TLN2: variants seen among roughly 807,000 people sequenced by gnomAD.
The protein encoded by TLN2 is talin 2.
A neutral mutation model predicts 294.7 loss-of-function variants in TLN2; 118 were observed. The observed-to-expected ratio is 0.40, with a 90% CI of 0.34 to 0.47. The LOEUF is 0.47. Ranked by LOEUF, TLN2 falls within the 20% of genes least tolerant of loss-of-function variation. TLN2 has a pLI of 0.84. For missense variants in TLN2, 3,083 were observed against 3,282.2 expected (o/e 0.94, Z 1.48); for synonymous variants, 1,431 against 1,304.5 (o/e 1.10, Z -2.09).
At chr15:62,625,188 C>T (rs1036099166) in intron 3 of TLN2, among the ~76,000 whole-genome samples, 1 of 152,084 alleles carries the variant, frequency 6.6e-6, no homozygotes, top group Admixed American at 6.5e-5. Context: ...TGGTTCTTCA[C>T]TACTGAATGT....
At chr15:62,797,093 C>A in intron 47 of TLN2, 126 bp from the exon 48 acceptor site, 2 of 1,024,944 alleles carry the variant, frequency 2.0e-6, no homozygotes, top group Non-Finnish European at 2.9e-6. Context: ...GGAGGTGTAA[C>A]ACAGCACTTC....
chr15:62,771,155 G>T (rs1241936259), intron 42 of TLN2, 21 bp downstream of exon 42: 3 of 1,591,016 alleles, frequency 1.9e-6, no homozygotes, highest in East Asian at 2.3e-5. Flanking sequence ...GGATATCGGG[G>T]ACTCACTTAG....
At chr15:62,624,472 C>A (rs1380761293) in intron 3 of TLN2, among the ~76,000 whole-genome samples, 3 of 152,118 alleles carry the variant, frequency 2.0e-5, no homozygotes, top group African/African-American at 7.2e-5. Context: ...TGATAGGACG[C>A]ATGAATGTGC....
intron 11 of TLN2, among the ~76,000 whole-genome samples, chr15:62,680,872 G>A (rs565406495): frequency 1.4e-4 from 21 of 152,152 alleles, no homozygotes; most frequent in East Asian, 5.8e-4. Context: ...AAATAATGGC[G>A]TCCAGCTCCA....
At chr15:62,593,973 G>A (rs905739841) in intron 2 of TLN2, among the ~76,000 whole-genome samples, 4 of 152,098 alleles carry the variant, frequency 2.6e-5, no homozygotes, top group Admixed American at 2.0e-4. Context: ...CATGCAAATG[G>A]ATAAAAATAA....
rs267604279 is a variant in TLN2 at position 62,797,261 on chromosome 15, G to C, written c.6093G>C (p.Thr2031=). ...LKTAKALVED[T]KLLVSGAAST... is the part of the protein sequence containing the mutation. ...CGGCCAAGGCCTTGGTAGAAGACAC[G>C]AAACTACTTGTGTCAGGAGCTGCGT... Residue 2031 remains threonine, a synonymous_variant, in exon 48 of 59, where the codon ACG becomes ACC. Transcript: ENST00000636159. 1 of 1,614,046 alleles carries C rather than the reference G, an allele frequency of 6.2e-7. No individual in the cohort carries two copies. Among genetic ancestry groups the C allele is most frequent in the Non-Finnish European group, 8.5e-7 (1 of 1,180,038 alleles).
chr15:62,755,660 C>T lies in TLN2; in HGVS notation c.4605C>T (p.Ala1535=). ...RHFVQSAKEV[A]NSTANLVKTI... ...TCGTCCAGTCAGCCAAGGAAGTCGC[C>T]AACAGCACTGCCAACCTGGTGAAGA... The change falls in exon 37 of 59, where the codon GCC becomes GCT. Residue 1535 remains alanine (A), a synonymous_variant. Coordinates refer to ENST00000636159, the MANE Select transcript of TLN2 (RefSeq NM_015059.3). 6.2e-7 allele frequency: 1 copy of T among 1,614,238 alleles called. No individual in the cohort carries two copies. The highest frequency in any genetic ancestry group is 2.2e-5 in the East Asian group (1 of 44,894).
chr15:62,584,503 T>C (rs559991677), intron 1 of TLN2, among the ~76,000 whole-genome samples: 1 of 152,334 alleles, frequency 6.6e-6, no homozygotes, highest in Non-Finnish European at 1.5e-5. Context: ...TGCTCTTCAT[T>C]GAGTTTCCTT....
At chr15:62,733,215 A>G (rs574487622) in intron 28 of TLN2, among the ~76,000 whole-genome samples, 4 of 152,302 alleles carry the variant, frequency 2.6e-5, no homozygotes, top group East Asian at 1.9e-4. Context: ...ATGTCTCTAG[A>G]GCCATAGACA....
At chr15:62,645,272 A>G (rs1351525669) in intron 3 of TLN2, 1 of 152,592 alleles carries the variant, frequency 6.6e-6, no homozygotes. Context: ...AGATATTTTG[A>G]ACCCCTCTGC....
At chr15:62,586,870 G>C (rs1045453178) in intron 1 of TLN2, among the ~76,000 whole-genome samples, 1 of 152,204 alleles carries the variant, frequency 6.6e-6, no homozygotes, top group South Asian at 2.1e-4. Flanking sequence ...AGCTTCTTCA[G>C]TTACTTTAGC....
At chr15:62,584,464 G>A (rs960033645) in intron 1 of TLN2, among the ~76,000 whole-genome samples, 7 of 152,196 alleles carry the variant, frequency 4.6e-5, no homozygotes, top group African/African-American at 1.7e-4. Context: ...TGTCATCTCT[G>A]AGGTCCTTGG....
chr15:62,729,584 C>T (rs928428127), intron 28 of TLN2, among the ~76,000 whole-genome samples: 2 of 152,128 alleles, frequency 1.3e-5, no homozygotes, highest in Admixed American at 6.5e-5. Flanking sequence ...GCATGACATA[C>T]CTTTTTTCAT....
intron 20 of TLN2, among the ~76,000 whole-genome samples, chr15:62,707,937 T>C (rs945263685): frequency 6.6e-6 from 1 of 152,038 alleles, no homozygotes. Context: ...TGGCCTGTCA[T>C]GTTGTATAGA....
At chr15:62,788,126 C>T (rs2064825547) in intron 45 of TLN2, among the ~76,000 whole-genome samples, 1 of 151,618 alleles carries the variant, frequency 6.6e-6, no homozygotes, top group African/African-American at 2.4e-5. Flanking sequence ...GCCTGGGCAA[C>T]ATGGCGAAAC....
chr15:62,562,989 C>G (rs188915638), intron 1 of TLN2, among the ~76,000 whole-genome samples: 27 of 148,088 alleles, frequency 1.8e-4, no homozygotes, highest in African/African-American at 6.5e-4. Context: ...TTTATCCCCT[C>G]GTTGATTGAT....
intron 9 of TLN2, among the ~76,000 whole-genome samples, chr15:62,666,137 A>T (rs1002440068): frequency 5.9e-5 from 9 of 152,042 alleles, no homozygotes; most frequent in African/African-American, 2.2e-4. Flanking sequence ...GCGTGTCCTT[A>T]TATTAAAGGA....
intron 3 of TLN2, among the ~76,000 whole-genome samples, chr15:62,621,060 C>T (rs985361189): frequency 2.7e-5 from 4 of 150,714 alleles, no homozygotes; most frequent in East Asian, 2.0e-4. Flanking sequence ...AGGATGGTCT[C>T]GATCTCCTGA....
chr15:62,702,222 T>TCA, intron 18 of TLN2, 22 bp downstream of exon 18: 1 of 1,557,546 alleles, frequency 6.4e-7, no homozygotes. Context: ...AGGCAAGCAA[T>TCA]CACTCAGGTT....
Sources: allele counts gnomAD v4.1 joint callset (sites outside exome capture counted in the v4.1 genomes callset), GRCh38; gene constraint gnomAD v4.1.1; transcripts MANE v1.5; gene names NCBI Gene and HGNC (gene_info 2026-07-23, HGNC 2026-07-21).